The following RER1 variants were observed in gnomAD, a reference collection of about 807,000 sequenced individuals.
RER1 encodes the protein protein RER1.
A neutral mutation model predicts 28.3 loss-of-function variants in RER1; 6 were observed. The observed-to-expected ratio is 0.21, with a 90% confidence interval of 0.12 to 0.42. The LOEUF (loss-of-function observed/expected upper bound fraction) is 0.42, where lower values mean the gene tolerates loss of function less well. Among genes scored for constraint, RER1 ranks in the 10% least tolerant of loss-of-function variants. RER1 has a pLI of 1.00. For missense variants in RER1, 159 were observed against 252.9 expected, an observed-to-expected ratio of 0.63 and a Z score of 2.52; for synonymous variants, 110 against 95.9, an observed-to-expected ratio of 1.15 and a Z score of -0.86.
At position 2,405,433 on chromosome 1, in the gene RER1, C is replaced by T; in HGVS notation, c.*2309C>T. Reference sequence around the variant, plus strand: ...TATAAACGAATAAAGTGTCTTCTGGCCTACTTCTGAATTACTTCTCAACTG... The same window carrying T: ...TATAAACGAATAAAGTGTCTTCTGGTCTACTTCTGAATTACTTCTCAACTG... On this transcript the variant is annotated 3_prime_UTR_variant, in exon 7 of 7. Coordinates refer to ENST00000605895, the MANE Select transcript of RER1 (RefSeq NM_007033.5). 2 of 468,274 alleles carry T rather than the reference C, an allele frequency of 4.3e-6. No individual in the cohort carries two copies. Among genetic ancestry groups the T allele is most frequent in the Non-Finnish European group, 7.9e-6 (2 of 252,738 alleles). 29.0% of individuals were successfully genotyped at this position (468,274 alleles called of 1,614,324 possible). A position where few individuals can be genotyped will look rare whatever the true frequency, so the allele number is the denominator to read the frequency against.
At chr1:2,400,507 G>T (rs541012763) in intron 4 of RER1, among the ~76,000 whole-genome samples, 1 of 152,360 alleles carries the variant, frequency 6.6e-6, no homozygotes, top group Admixed American at 6.5e-5. Context: ...GCGCATCCTC[G>T]GCCCCGCCCT....
chr1:2,400,181 C>T (rs765952143), intron 4 of RER1, among the ~76,000 whole-genome samples: 68 of 152,228 alleles, frequency 4.5e-4, no homozygotes, highest in Non-Finnish European at 9.0e-4. Context: ...AAAACCCACA[C>T]GCAGCTCCCT....
chr1:2,399,734 G>A (rs1642817833), intron 4 of RER1, among the ~76,000 whole-genome samples: 1 of 152,218 alleles, frequency 6.6e-6, no homozygotes, highest in South Asian at 2.1e-4. Flanking sequence ...TGCAGATGAG[G>A]AAACTGAGGC....
intron 3 of RER1, 120 bp from the exon 4 acceptor site, chr1:2,399,295 G>C: frequency 1.4e-6 from 1 of 724,928 alleles, no homozygotes; most frequent in East Asian, 2.5e-5. Context: ...AGTAAGTTTT[G>C]TGTTAAAACA....
chr1:2,405,187 GGTTGGT>G lies in RER1; in HGVS notation c.*2064_*2069del. The stretch of plus-strand genomic sequence containing the variant: ...TGCTTCCGACGGAGGTGCTGGCCTT[GGTTGGT>G]TTCTCTCTGCCCCGTGTGGTCATCA... On this transcript the variant is annotated 3_prime_UTR_variant, in exon 7 of 7. Coordinates refer to ENST00000605895, the MANE Select transcript of RER1 (RefSeq NM_007033.5). The G allele has an allele frequency of 5.5e-6, 1 of 181,354 alleles. No homozygotes were observed. Among genetic ancestry groups the G allele is most frequent in the Non-Finnish European group, 1.2e-5 (1 of 84,406 alleles). The allele number at this position is 181,354 out of a possible 1,614,324, so 11.2% of individuals were successfully genotyped here.
chr1:2,401,376 CCCTCCT>C (rs1642857222), intron 5 of RER1, among the ~76,000 whole-genome samples: 1 of 7,834 alleles, frequency 1.3e-4, no homozygotes. Flanking sequence ...CCTCCTTCCT[CCCTCCT>C]CCTCCCTCCT....
chr1:2,404,598 C>T lies in RER1; in HGVS notation c.*1474C>T, dbSNP rs548318428. On this transcript the variant is annotated 3_prime_UTR_variant, in exon 7 of 7. Transcript: ENST00000605895. Reference sequence around the variant, plus strand: ...TCACGGCCCCCCCGCCCTCCTCCGTCTCTGGCAAGCTGACCTTGACTAACC... The same window carrying T: ...TCACGGCCCCCCCGCCCTCCTCCGTTTCTGGCAAGCTGACCTTGACTAACC... 2.0e-5 allele frequency: 3 copies of T among 152,406 alleles called. No homozygotes were observed. The South Asian group carries it at 6.2e-4, about 32-fold the overall frequency. The allele number at this position is 152,406 out of a possible 1,614,324, so 9.4% of individuals were successfully genotyped here.
At position 2,403,385 on chromosome 1, in the gene RER1, G is replaced by T; in HGVS notation, c.*261G>T. On this transcript the variant is annotated 3_prime_UTR_variant, in exon 7 of 7. Transcript: ENST00000605895. ...GTCAGCTGCAGGCGGGAAGCCAGGC[G>T]GGTGGAGCCCATGGGAGCAAGGGCG... 1 of 414,742 alleles carries T rather than the reference G, an allele frequency of 2.4e-6. No individual in the cohort carries two copies. Among genetic ancestry groups the T allele is most frequent in the Non-Finnish European group, 4.5e-6 (1 of 220,772 alleles). 25.7% of individuals were successfully genotyped at this position (414,742 alleles called of 1,614,324 possible).
Position 2,405,407 on chromosome 1 carries a change from A to G in RER1, c.*2283A>G. 1 of 405,090 alleles carries G rather than the reference A, an allele frequency of 2.5e-6. No individual in the cohort carries two copies. 25.1% of individuals were successfully genotyped at this position (405,090 alleles called of 1,614,324 possible). A position where few individuals can be genotyped will look rare whatever the true frequency, so the allele number is the denominator to read the frequency against. On this transcript the variant is annotated 3_prime_UTR_variant, in exon 7 of 7. Coordinates refer to ENST00000605895, the MANE Select transcript of RER1 (RefSeq NM_007033.5). Reference sequence around the variant, plus strand: ...AGCCTGATGGGGCTGTTTTCTCACAATATAAACGAATAAAGTGTCTTCTGG... The same window carrying G: ...AGCCTGATGGGGCTGTTTTCTCACAGTATAAACGAATAAAGTGTCTTCTGG...
Position 2,391,861 on chromosome 1 carries a change from C to G in RER1, c.-105C>G, listed in dbSNP as rs891596822. 3.5e-6 allele frequency: 1 copy of G among 285,198 alleles called. No homozygotes were observed. The allele number at this position is 285,198 out of a possible 1,614,324, so 17.7% of individuals were successfully genotyped here. ...AGCGGAAGTGCTCGCTGCAGCTTCCCGGAGCCGGAGCGCAGCGCCTGCGGC... is the reference window on the plus strand; with the variant it reads ...AGCGGAAGTGCTCGCTGCAGCTTCCGGGAGCCGGAGCGCAGCGCCTGCGGC... On this transcript the variant is annotated 5_prime_UTR_variant, in exon 1 of 7. Transcript: ENST00000605895.
chr1:2,396,969 T>G, intron 2 of RER1, 147 bp from the exon 3 acceptor site: 1 of 578,806 alleles, frequency 1.7e-6, no homozygotes, highest in Non-Finnish European at 3.2e-6. Context: ...TTTGTGCTGA[T>G]ACATAGATGA....
At chr1:2,397,493 C>G (rs1281628877) in intron 3 of RER1, among the ~76,000 whole-genome samples, 1 of 152,204 alleles carries the variant, frequency 6.6e-6, no homozygotes, top group Non-Finnish European at 1.5e-5. Flanking sequence ...CAGGCCTGGA[C>G]AGTGGAGCCG....
At chr1:2,402,039 G>A (rs941471760) in intron 5 of RER1, 168 bp from the exon 6 acceptor site, 3 of 1,552,684 alleles carry the variant, frequency 1.9e-6, no homozygotes, top group Middle Eastern at 1.8e-4. Flanking sequence ...ATGTCTGTGA[G>A]CTACATGCAA....
intron 1 of RER1, among the ~76,000 whole-genome samples, chr1:2,393,488 AG>A (rs1470748352): frequency 6.6e-6 from 1 of 152,188 alleles, no homozygotes; most frequent in East Asian, 1.9e-4. Flanking sequence ...AGGACTGCAG[AG>A]GGGGCAGCTG....
chr1:2,395,121 G>A (rs1367991462), intron 1 of RER1: 1 of 152,572 alleles, frequency 6.6e-6, no homozygotes, highest in East Asian at 1.9e-4. Flanking sequence ...TGGGAATTAA[G>A]TGGGTGAACA....
chr1:2,401,406 C>T lies in RER1; in HGVS notation c.365+471C>T, dbSNP rs78820598. Among the ~76,000 whole-genome samples the T allele has an allele frequency of 1.5e-3, 55 of 36,508 alleles. 7 individuals are homozygous for T. Among genetic ancestry groups the T allele is most frequent in the Non-Finnish European group, 2.1e-3 (33 of 15,516 alleles). The allele number at this position is 36,508 out of a possible 152,430, so 24.0% of individuals were successfully genotyped here. ...CTCCTCCCTCCTCCTCCCTCCTCCT[C>T]CCTCCTTCCTCCTTCCTCTCTCCCA... is the stretch of plus-strand genomic sequence containing the variant. On this transcript the variant is annotated intron_variant, in intron 5 of 6. Transcript: ENST00000605895.
intron 5 of RER1, among the ~76,000 whole-genome samples, chr1:2,401,372 TCCTC>T (rs1557903985): frequency 3.4e-4 from 1 of 2,944 alleles, no homozygotes; most frequent in Non-Finnish European, 5.9e-4. Context: ...CCTCCCTCCT[TCCTC>T]CCTCCTCCTC....
At chr1:2,393,904 G>C (rs1008420437) in intron 1 of RER1, 6 of 152,260 alleles carry the variant, frequency 3.9e-5, no homozygotes, top group Admixed American at 3.9e-4. Flanking sequence ...TTCAGTTGGA[G>C]AGTGAGAAGT....
At chr1:2,401,529 G>T (rs1467789449) in intron 5 of RER1, among the ~76,000 whole-genome samples, 1 of 149,970 alleles carries the variant, frequency 6.7e-6, no homozygotes, top group African/African-American at 2.5e-5. Flanking sequence ...GTGTCTGCAC[G>T]GGTAGGCAGA....
Sources: gnomAD v4.1 joint callset for allele counts (sites outside exome capture counted in the v4.1 genomes callset) on GRCh38, gnomAD v4.1.1 for gene constraint, MANE v1.5 for transcripts, NCBI Gene and HGNC (gene_info 2026-07-23, HGNC 2026-07-21) for gene names.